PDCL3: variants seen among roughly 807,000 people sequenced by gnomAD.
PDCL3 encodes phosducin-like protein 3.
Under a neutral mutation model 26.5 loss-of-function variants are expected in PDCL3, and 22 were observed. That is an observed-to-expected ratio of 0.83 (90% confidence interval 0.59 to 1.19). The LOEUF (loss-of-function observed/expected upper bound fraction) is 1.19. Ranked by LOEUF, PDCL3 falls within the 50% of genes most tolerant of loss-of-function variation. The pLI is 0.00. For synonymous variants in PDCL3, 81 were observed against 104.9 expected (o/e 0.77, Z 1.39); for missense variants, 246 against 294.1 (o/e 0.84, Z 1.20).
rs1055426950 is a variant in PDCL3 at position 100,576,472 on chromosome 2, G to T, written c.696G>T (p.Arg232Ser). The T allele has an allele frequency of 2.5e-6, 4 of 1,607,406 alleles. No individual in the cohort carries two copies. The African/African-American group carries it at 4.0e-5, about 16-fold the overall frequency. The change falls in exon 6 of 6, where the codon AGG becomes AGT. Residue 232 changes from arginine to serine, a missense_variant. Arg to Ser is a moderately radical substitution (Grantham distance 110). Coordinates refer to ENST00000264254, the MANE Select transcript of PDCL3 (RefSeq NM_024065.5). Reference protein sequence around the residue: ...SSVRRSVLMKRDSDSEGD With the variant: ...SSVRRSVLMKSDSDSEGD ...TGCGGCGCTCTGTCCTCATGAAGAG[G>T]GACAGCGATTCCGAGGGTGACTGAG... is the stretch of plus-strand genomic sequence containing the variant.
At chr2:100,574,590 G>C (rs1675242139) in intron 5 of PDCL3, among the ~76,000 whole-genome samples, 2 of 152,100 alleles carry the variant, frequency 1.3e-5, no homozygotes, top group Admixed American at 6.6e-5. Flanking sequence ...TCACATAGCT[G>C]CCCTCACTGT....
At chr2:100,564,832 T>C (rs1675030664) in intron 1 of PDCL3, among the ~76,000 whole-genome samples, 1 of 152,228 alleles carries the variant, frequency 6.6e-6, no homozygotes, top group Admixed American at 6.5e-5. Flanking sequence ...TGATGCTGGC[T>C]GATTTGGCCA....
chr2:100,568,652 CG>C (rs1293750877), intron 2 of PDCL3, among the ~76,000 whole-genome samples: 1 of 151,720 alleles, frequency 6.6e-6, no homozygotes, highest in Non-Finnish European at 1.5e-5. Flanking sequence ...GGAAAATAAG[CG>C]GGGCAGGGTG....
At chr2:100,569,123 A>T in intron 3 of PDCL3, 102 bp downstream of exon 3, 7 of 980,162 alleles carry the variant, frequency 7.1e-6, no homozygotes, top group Non-Finnish European at 3.1e-6. Flanking sequence ...GAGCATGGTG[A>T]CTCATACCTG....
At chr2:100,565,554 G>A (rs556729857) in intron 1 of PDCL3, among the ~76,000 whole-genome samples, 3 of 152,142 alleles carry the variant, frequency 2.0e-5, no homozygotes, top group Non-Finnish European at 2.9e-5. Flanking sequence ...GATTACAGGC[G>A]TGAGCCACCG....
At chr2:100,564,650 C>T (rs1675025326) in intron 1 of PDCL3, among the ~76,000 whole-genome samples, 2 of 152,126 alleles carry the variant, frequency 1.3e-5, no homozygotes, top group Admixed American at 6.5e-5. Context: ...GGTTGGAGAC[C>T]GATTATCCCG....
intron 1 of PDCL3, 38 bp downstream of exon 1, chr2:100,563,111 C>G (rs1302348175): frequency 6.3e-7 from 1 of 1,588,908 alleles, no homozygotes; most frequent in South Asian, 1.2e-5. Context: ...GGGCTGCGGC[C>G]CGTTCCTTTG....
chr2:100,571,114 C>CGAAAAAA (rs1553417816), intron 4 of PDCL3, among the ~76,000 whole-genome samples: 5 of 109,084 alleles, frequency 4.6e-5, no homozygotes, highest in African/African-American at 6.8e-5. Flanking sequence ...CCTGTCTTTA[C>CGAAAAAA]AAAAAAAAAA....
At chr2:100,569,451 A>G in intron 3 of PDCL3, 127 bp from the exon 4 acceptor site, 1 of 1,167,620 alleles carries the variant, frequency 8.6e-7, no homozygotes, top group African/African-American at 1.6e-5. Flanking sequence ...GAATTTTAGC[A>G]AACTGATCTT....
At chr2:100,575,151 A>T (rs928433085) in intron 5 of PDCL3, among the ~76,000 whole-genome samples, 4 of 151,978 alleles carry the variant, frequency 2.6e-5, no homozygotes, top group Admixed American at 2.6e-4. Flanking sequence ...GATTTTTTTT[A>T]TTTTGAGACA....
At position 100,572,096 on chromosome 2, in the gene PDCL3, C is replaced by G. The variant is rs1405494668; in HGVS notation, c.577+298C>G. On this transcript the variant is annotated intron_variant, in intron 5 of 5. Coordinates refer to ENST00000264254, the MANE Select transcript of PDCL3 (RefSeq NM_024065.5). Reference sequence around the variant, plus strand: ...TGGATGTTTTTGTAGCTTGAAATCACAACATTCACTTTTGCTTTAATTCAC... The same window carrying G: ...TGGATGTTTTTGTAGCTTGAAATCAGAACATTCACTTTTGCTTTAATTCAC... 3.9e-5 allele frequency: 14 copies of G among 358,552 alleles called. No homozygotes were observed. The South Asian group carries it at 5.2e-4, about 13-fold the overall frequency. 22.2% of individuals were successfully genotyped at this position (358,552 alleles called of 1,614,324 possible).
chr2:100,569,518 A>G, intron 3 of PDCL3, 60 bp from the exon 4 acceptor site: 2 of 1,570,654 alleles, frequency 1.3e-6, no homozygotes, highest in East Asian at 2.3e-5. Context: ...ATTGCCTTCT[A>G]GACGATGTGT....
intron 4 of PDCL3, among the ~76,000 whole-genome samples, chr2:100,570,633 G>T (rs889567936): frequency 6.6e-6 from 1 of 151,656 alleles, no homozygotes; most frequent in Non-Finnish European, 1.5e-5. Context: ...GCCTGCCACC[G>T]CACTCAGCTG....
intron 4 of PDCL3, among the ~76,000 whole-genome samples, 190 bp from the exon 5 acceptor site, chr2:100,571,400 A>C (rs1233586224): frequency 1.3e-5 from 2 of 152,110 alleles, no homozygotes; most frequent in Non-Finnish European, 2.9e-5. Context: ...AGATCACACC[A>C]CTTCACTCCA....
At chr2:100,569,056 G>A in intron 3 of PDCL3, 35 bp downstream of exon 3, 1 of 1,566,736 alleles carries the variant, frequency 6.4e-7, no homozygotes, top group Non-Finnish European at 8.7e-7. Flanking sequence ...TTGTTTTTTT[G>A]TTGTTGTTTG....
At chr2:100,564,306 T>TTTGA (rs1376678472) in intron 1 of PDCL3, among the ~76,000 whole-genome samples, 1 of 151,400 alleles carries the variant, frequency 6.6e-6, no homozygotes, top group African/African-American at 2.4e-5. Context: ...TGTTTGTTTG[T>TTTGA]TTCTTTTTGA....
At chr2:100,565,664 A>G (rs1319904093) in intron 1 of PDCL3, among the ~76,000 whole-genome samples, 2 of 152,124 alleles carry the variant, frequency 1.3e-5, no homozygotes, top group South Asian at 2.1e-4. Context: ...GAACATCCCT[A>G]TCTACTCTGT....
intron 1 of PDCL3, among the ~76,000 whole-genome samples, chr2:100,565,230 A>G (rs1675037723): frequency 6.6e-6 from 1 of 151,078 alleles, no homozygotes; most frequent in Admixed American, 6.6e-5. Flanking sequence ...TGGCCTCCCA[A>G]AGAGCTGGAA....
intron 1 of PDCL3, among the ~76,000 whole-genome samples, chr2:100,564,136 G>C (rs1003263969): frequency 4.2e-4 from 64 of 151,800 alleles, no homozygotes; most frequent in African/African-American, 1.5e-3. Flanking sequence ...CCAAAGTGTT[G>C]GGATTACAGG....
Sources: allele counts gnomAD v4.1 joint callset (sites outside exome capture counted in the v4.1 genomes callset), GRCh38; gene constraint gnomAD v4.1.1; transcripts MANE v1.5; gene names NCBI Gene and HGNC (gene_info 2026-07-23, HGNC 2026-07-21).